EBAG9: variants seen among roughly 807,000 people sequenced by gnomAD.
EBAG9 encodes estrogen receptor binding site associated antigen 9.
A neutral mutation model predicts 30.9 loss-of-function variants in EBAG9; 16 were observed. The observed-to-expected ratio is 0.52, with a 90% CI of 0.35 to 0.79. EBAG9 has a LOEUF of 0.79. Among genes scored for constraint, EBAG9 ranks in the 30% least tolerant of loss-of-function variants. The pLI is 0.01. For missense variants in EBAG9, 197 were observed against 242.1 expected (o/e 0.81, Z 1.24); for synonymous variants, 93 against 82.8 (o/e 1.12, Z -0.67).
chr8:109,547,660 T>G (rs1283519141), intron 1 of EBAG9, among the ~76,000 whole-genome samples: 1 of 151,976 alleles, frequency 6.6e-6, no homozygotes, highest in Non-Finnish European at 1.5e-5. Context: ...TTTTGTATTT[T>G]TAGTAGAGAC....
At chr8:109,545,823 T>A (rs998348898) in intron 1 of EBAG9, among the ~76,000 whole-genome samples, 1 of 152,180 alleles carries the variant, frequency 6.6e-6, no homozygotes, top group African/African-American at 2.4e-5. Flanking sequence ...ACCAGACTCT[T>A]TGGGTTCAAA....
chr8:109,545,247 G>T (rs1821358744), intron 1 of EBAG9, among the ~76,000 whole-genome samples: 1 of 149,808 alleles, frequency 6.7e-6, no homozygotes, highest in African/African-American at 2.5e-5. Context: ...GCTTGAACCC[G>T]GGAAGCGGAA....
At chr8:109,541,774 C>T (rs1193901314) in intron 1 of EBAG9, among the ~76,000 whole-genome samples, 1 of 152,042 alleles carries the variant, frequency 6.6e-6, no homozygotes, top group East Asian at 1.9e-4. Context: ...TCCAAAGTAG[C>T]GACTGAAACA....
chr8:109,558,335 C>G (rs529579036), intron 5 of EBAG9, among the ~76,000 whole-genome samples: 2 of 152,054 alleles, frequency 1.3e-5, no homozygotes, highest in Non-Finnish European at 2.9e-5. Context: ...TGATCACACA[C>G]GTCAATATAA....
chr8:109,540,485 A>C (rs533855500), intron 1 of EBAG9, 24 bp downstream of exon 1: 4 of 152,200 alleles, frequency 2.6e-5, no homozygotes, highest in South Asian at 2.1e-4. Flanking sequence ...TTCATCAACA[A>C]ATTTCACGTG....
Position 109,550,805 on chromosome 8 carries a change from C to T in EBAG9, c.-15-5C>T, listed in dbSNP as rs1393224320. On this transcript the variant is annotated splice_polypyrimidine_tract_variant and splice_region_variant and intron_variant, in intron 1 of 6. Transcript: ENST00000337573. ...TGCATTTTTTGTTTTGTGCCTCTTCCACAGGTTTTGATTCCCACCATGGCC... is the reference window on the plus strand; with the variant it reads ...TGCATTTTTTGTTTTGTGCCTCTTCTACAGGTTTTGATTCCCACCATGGCC... The T allele has an allele frequency of 2.5e-6, 4 of 1,568,632 alleles. No individual in the cohort carries two copies. The African/African-American group carries it at 4.1e-5, about 16-fold the overall frequency.
At chr8:109,558,381 T>C (rs1291628120) in intron 5 of EBAG9, among the ~76,000 whole-genome samples, 1 of 152,184 alleles carries the variant, frequency 6.6e-6, no homozygotes, top group Non-Finnish European at 1.5e-5. Flanking sequence ...AGTTACACGA[T>C]GCTATGAACA....
chr8:109,560,966 A>G, intron 6 of EBAG9, 37 bp downstream of exon 6: 7 of 1,557,994 alleles, frequency 4.5e-6, no homozygotes, highest in Non-Finnish European at 6.2e-6. Flanking sequence ...CCTGAGTAGA[A>G]GAACTAGATT....
At chr8:109,541,013 T>C (rs914456205) in intron 1 of EBAG9, among the ~76,000 whole-genome samples, 1 of 152,318 alleles carries the variant, frequency 6.6e-6, no homozygotes, top group South Asian at 2.1e-4. Flanking sequence ...ACATTTGATC[T>C]ATCAGTTTCT....
chr8:109,544,269 T>C (rs1821339269), intron 1 of EBAG9, among the ~76,000 whole-genome samples: 1 of 152,312 alleles, frequency 6.6e-6, no homozygotes, highest in African/African-American at 2.4e-5. Context: ...TGTGTAGAAC[T>C]GAAGTCCAAA....
chr8:109,555,199 G>T (rs59478583), intron 4 of EBAG9, among the ~76,000 whole-genome samples: 1,952 of 148,826 alleles, frequency 0.013, 45 homozygotes, highest in African/African-American at 0.045. Context: ...TGTTCTCATT[G>T]TTCAGTTCCC....
In EBAG9 at chr8:109,553,975, T is replaced by C. The variant is rs755970929; in HGVS notation, c.162+32T>C. 2.0e-6 allele frequency: 3 copies of C among 1,531,838 alleles called. No homozygotes were observed. The African/African-American group carries it at 4.2e-5, about 21-fold the overall frequency. The allele number at this position is 1,531,838 out of a possible 1,614,324, so 94.9% of individuals were successfully genotyped here. A position where few individuals can be genotyped will look rare whatever the true frequency, so the allele number is the denominator to read the frequency against. ...TTTTTTTGTGTGTTCTTTTGTTTTG[T>C]TTTGTTTTGAAAGATTGAATAAGTG... On this transcript the variant is annotated intron_variant, in intron 3 of 6. Coordinates refer to ENST00000337573, the MANE Select transcript of EBAG9 (RefSeq NM_004215.5).
intron 2 of EBAG9, among the ~76,000 whole-genome samples, chr8:109,552,781 AC>A (rs948319302): frequency 6.6e-6 from 1 of 152,078 alleles, no homozygotes; most frequent in Admixed American, 6.5e-5. Context: ...GTCTGAAGGA[AC>A]CTTAGACCAT....
intron 5 of EBAG9, chr8:109,557,780 G>A (rs572156750): frequency 9.8e-5 from 43 of 438,978 alleles, no homozygotes; most frequent in Admixed American, 8.5e-4. Context: ...GATTGTGGTC[G>A]AAGGATTCAT....
In EBAG9 at chr8:109,564,731, T is replaced by G. The variant is rs1821786006; in HGVS notation, c.*172T>G. The G allele has an allele frequency of 1.1e-6, 1 of 883,222 alleles. No homozygotes were observed. Among genetic ancestry groups the G allele is most frequent in the Non-Finnish European group, 1.6e-6 (1 of 613,180 alleles). The allele number at this position is 883,222 out of a possible 1,614,324, so 54.7% of individuals were successfully genotyped here. A position where few individuals can be genotyped will look rare whatever the true frequency, so the allele number is the denominator to read the frequency against. ...CAAAGTACCTTGAACTCTTAGTGAT[T>G]GAGACTCAAAAAAACAAAAAAGACT... On this transcript the variant is annotated 3_prime_UTR_variant, in exon 7 of 7. Coordinates refer to ENST00000337573, the MANE Select transcript of EBAG9 (RefSeq NM_004215.5).
At chr8:109,563,356 G>A (rs755784626) in intron 6 of EBAG9, 42 of 1,587,124 alleles carry the variant, frequency 2.6e-5, no homozygotes, top group Non-Finnish European at 3.3e-5. Context: ...CTTCCTCAAC[G>A]TTGCATACTT....
chr8:109,547,430 A>G (rs568052383), intron 1 of EBAG9, among the ~76,000 whole-genome samples: 1 of 151,696 alleles, frequency 6.6e-6, no homozygotes, highest in African/African-American at 2.4e-5. Context: ...CATTTTTCTA[A>G]TGATTAAAGA....
At chr8:109,552,795 A>G (rs1821519511) in intron 2 of EBAG9, among the ~76,000 whole-genome samples, 1 of 152,092 alleles carries the variant, frequency 6.6e-6, no homozygotes, top group African/African-American at 2.4e-5. Flanking sequence ...TAGACCATGT[A>G]TTTTAAAATA....
intron 1 of EBAG9, among the ~76,000 whole-genome samples, chr8:109,549,819 T>C (rs910219593): frequency 1.3e-5 from 2 of 152,090 alleles, no homozygotes; most frequent in Non-Finnish European, 2.9e-5. Flanking sequence ...TGACCACTTT[T>C]ATACCTGGTA....
Sources: allele counts gnomAD v4.1 joint callset (sites outside exome capture counted in the v4.1 genomes callset), GRCh38; gene constraint gnomAD v4.1.1; transcripts MANE v1.5; gene names NCBI Gene and HGNC (gene_info 2026-07-23, HGNC 2026-07-21).